The following EXOC4 variants were observed in gnomAD, a reference collection of about 807,000 sequenced individuals.
The protein encoded by EXOC4 is SEC8-like 1.
In EXOC4, 71 loss-of-function variants were observed where a neutral mutation model predicts 107.2. That is an observed-to-expected ratio of 0.66 (90% CI 0.55 to 0.81). The LOEUF (loss-of-function observed/expected upper bound fraction) is 0.81. Among genes scored for constraint, EXOC4 ranks in the 30% least tolerant of loss-of-function variants. The probability of loss-of-function intolerance (pLI) is 0.00; values close to 1 mark genes in which losing one functional copy is unlikely to be tolerated. For missense variants in EXOC4, 1,108 were observed against 1,189.6 expected, an observed-to-expected ratio of 0.93 and a Z score of 1.01; for synonymous variants, 456 against 441.2, an observed-to-expected ratio of 1.03 and a Z score of -0.42.
chr7:133,704,811 A>G (rs547940365), intron 10 of EXOC4, among the ~76,000 whole-genome samples: 129 of 152,318 alleles, frequency 8.5e-4, no homozygotes, highest in South Asian at 2.5e-3. Flanking sequence ...ATGTGAGGTC[A>G]TGTGTGGAAT....
chr7:133,492,169 CAA>C (rs1799384568), intron 9 of EXOC4, among the ~76,000 whole-genome samples: 2 of 151,896 alleles, frequency 1.3e-5, no homozygotes, highest in Admixed American at 1.3e-4. Context: ...AGAGTGTAGA[CAA>C]AGAGGCAAGT....
At chr7:133,650,090 T>C (rs1391724337) in intron 10 of EXOC4, among the ~76,000 whole-genome samples, 1 of 151,992 alleles carries the variant, frequency 6.6e-6, no homozygotes, top group Non-Finnish European at 1.5e-5. Context: ...TTGGAATACA[T>C]TCTTTTGTTT....
chr7:133,896,580 C>T (rs972028325), intron 12 of EXOC4, among the ~76,000 whole-genome samples: 6 of 151,688 alleles, frequency 4.0e-5, no homozygotes, highest in African/African-American at 7.3e-5. Context: ...ATGAAATTTA[C>T]GGAGGTGGAG....
At chr7:133,702,499 C>T (rs1404660359) in intron 10 of EXOC4, among the ~76,000 whole-genome samples, 1 of 151,040 alleles carries the variant, frequency 6.6e-6, no homozygotes, top group Non-Finnish European at 1.5e-5. Context: ...ATCATGACTT[C>T]CAGCCAATTT....
chr7:133,329,722 A>G (rs1315053886), intron 5 of EXOC4, among the ~76,000 whole-genome samples: 1 of 152,138 alleles, frequency 6.6e-6, no homozygotes, highest in Non-Finnish European at 1.5e-5. Context: ...GGTACACTCC[A>G]GATTTTGTTT....
At chr7:133,504,202 TATTA>T (rs1352923220) in intron 9 of EXOC4, among the ~76,000 whole-genome samples, 3 of 152,136 alleles carry the variant, frequency 2.0e-5, no homozygotes, top group South Asian at 2.1e-4. Context: ...TAACATTTAA[TATTA>T]ATTATATTAA....
At chr7:133,331,862 G>C (rs1356282955) in intron 5 of EXOC4, among the ~76,000 whole-genome samples, 1 of 152,074 alleles carries the variant, frequency 6.6e-6, no homozygotes. Context: ...AAATATGTAG[G>C]GCATGTATTT....
chr7:133,526,343 T>C (rs1800078323), intron 9 of EXOC4, among the ~76,000 whole-genome samples: 1 of 152,192 alleles, frequency 6.6e-6, no homozygotes, highest in African/African-American at 2.4e-5. Context: ...TTCAAGTTGA[T>C]ATCAGGTTAG....
intron 10 of EXOC4, among the ~76,000 whole-genome samples, chr7:133,811,089 A>G (rs912789744): frequency 6.6e-6 from 1 of 152,142 alleles, no homozygotes; most frequent in Non-Finnish European, 1.5e-5. Context: ...ATACAGCATT[A>G]TGTATACCCT....
chr7:133,370,420 T>A (rs1796349132), intron 6 of EXOC4, among the ~76,000 whole-genome samples: 1 of 152,156 alleles, frequency 6.6e-6, no homozygotes, highest in South Asian at 2.1e-4. Context: ...AGGAGGGGCT[T>A]CTGGGTCATA....
intron 14 of EXOC4, among the ~76,000 whole-genome samples, chr7:133,982,913 T>TTGTACCTGC (rs1250639519): frequency 6.6e-6 from 1 of 152,174 alleles, no homozygotes; most frequent in Non-Finnish European, 1.5e-5. Flanking sequence ...AAAAGTGAGG[T>TTGTACCTGC]TGTACCTGCT....
At chr7:133,637,710 A>AT (rs1409389990) in intron 10 of EXOC4, among the ~76,000 whole-genome samples, 4 of 152,312 alleles carry the variant, frequency 2.6e-5, no homozygotes, top group African/African-American at 9.6e-5. Context: ...GTATACATAG[A>AT]TTTCAAACCC....
downstream of EXOC4, among the ~76,000 whole-genome samples, chr7:134,070,173 A>G (rs1796253461): frequency 6.6e-6 from 1 of 152,210 alleles, no homozygotes; most frequent in Non-Finnish European, 1.5e-5. Flanking sequence ...GAACAAGAAA[A>G]CATAAAGAAT....
chr7:133,254,893 G>C (rs1245785799), intron 1 of EXOC4, among the ~76,000 whole-genome samples: 1 of 151,968 alleles, frequency 6.6e-6, no homozygotes, highest in Non-Finnish European at 1.5e-5. Flanking sequence ...TTTTCCTCAG[G>C]GCCAGTTGAA....
chr7:133,424,609 A>G (rs1490941206), intron 7 of EXOC4, among the ~76,000 whole-genome samples: 2 of 152,226 alleles, frequency 1.3e-5, no homozygotes, highest in Non-Finnish European at 2.9e-5. Flanking sequence ...GAATAAATGA[A>G]TATTTCTCAT....
At chr7:133,716,132 C>T (rs1794993689) in intron 10 of EXOC4, among the ~76,000 whole-genome samples, 2 of 152,200 alleles carry the variant, frequency 1.3e-5, no homozygotes, top group Admixed American at 6.5e-5. Flanking sequence ...TTTATTCTAG[C>T]ATGATACTTA....
intron 6 of EXOC4, among the ~76,000 whole-genome samples, chr7:133,364,165 G>A (rs191547794): frequency 1.3e-5 from 2 of 152,088 alleles, no homozygotes; most frequent in Non-Finnish European, 2.9e-5. Flanking sequence ...TCACTCTGTC[G>A]CTGAGGCTGG....
chr7:134,059,002 A>G (rs1170071871), intron 17 of EXOC4, among the ~76,000 whole-genome samples: 1 of 152,144 alleles, frequency 6.6e-6, no homozygotes, highest in Non-Finnish European at 1.5e-5. Context: ...CCAGCATGAG[A>G]CGTAGCTGTA....
intron 14 of EXOC4, among the ~76,000 whole-genome samples, chr7:133,993,642 AG>A (rs1766780153): frequency 6.6e-6 from 1 of 152,240 alleles, no homozygotes. Flanking sequence ...TTTCTAATAT[AG>A]CAAAAAGTCT....
Sources: gnomAD v4.1 joint callset for allele counts (sites outside exome capture counted in the v4.1 genomes callset) on GRCh38, gnomAD v4.1.1 for gene constraint, MANE v1.5 for transcripts, NCBI Gene and HGNC (gene_info 2026-07-23, HGNC 2026-07-21) for gene names.